The following CCDC141 variants were observed in gnomAD, a reference collection of about 807,000 sequenced individuals.
CCDC141 encodes coiled-coil domain containing 141.
Under a neutral mutation model 181.0 loss-of-function variants are expected in CCDC141, and 168 were observed. The observed-to-expected ratio is 0.93, with a 90% CI of 0.82 to 1.05. CCDC141 has a LOEUF of 1.05. Among genes scored for constraint, CCDC141 ranks in the 50% least tolerant of loss-of-function variants. CCDC141 has a pLI of 0.00. For missense variants in CCDC141, 1,902 were observed against 1,788.5 expected, an observed-to-expected ratio of 1.06 and a Z score of -1.14; for synonymous variants, 666 against 642.3, an observed-to-expected ratio of 1.04 and a Z score of -0.56.
At chr2:178,822,038 A>C in the CCDC141 span, among the ~76,000 whole-genome samples, 5 of 152,320 alleles carry the variant, frequency 3.3e-5, no homozygotes, top group South Asian at 1.0e-3. Flanking sequence ...CTGGATTAAG[A>C]AAATGTGGCA....
intron 8 of CCDC141, among the ~76,000 whole-genome samples, chr2:178,900,714 A>C (rs1687644450): frequency 6.6e-6 from 1 of 152,196 alleles, no homozygotes; most frequent in Non-Finnish European, 1.5e-5. Context: ...AAACAGGATA[A>C]AATTCAGCAG....
chr2:178,948,314 T>G (rs1006064803), intron 5 of CCDC141, among the ~76,000 whole-genome samples: 7 of 152,234 alleles, frequency 4.6e-5, no homozygotes, highest in African/African-American at 1.7e-4. Context: ...TTTTACTTTT[T>G]AATTTTTTAC....
At chr2:178,977,253 C>T (rs1425506150) in intron 3 of CCDC141, among the ~76,000 whole-genome samples, 4 of 152,108 alleles carry the variant, frequency 2.6e-5, no homozygotes, top group Non-Finnish European at 5.9e-5. Context: ...ATTTACTCAT[C>T]ATGGAGAAAA....
intron 18 of CCDC141, 138 bp downstream of exon 18, chr2:178,856,119 A>T (rs137940771): frequency 7.7e-5 from 51 of 666,432 alleles, no homozygotes; most frequent in African/African-American, 7.0e-4. Context: ...TTATAAAAAT[A>T]GAAAAATACC....
chr2:179,020,990 T>G (rs1304277782), intron 2 of CCDC141, among the ~76,000 whole-genome samples: 1 of 152,188 alleles, frequency 6.6e-6, no homozygotes, highest in Non-Finnish European at 1.5e-5. Flanking sequence ...GCGGGCTGAT[T>G]AGCATGTGAT....
At chr2:178,987,391 TCAGGA>T (rs1691805226) in intron 2 of CCDC141, among the ~76,000 whole-genome samples, 1 of 151,922 alleles carries the variant, frequency 6.6e-6, no homozygotes, top group African/African-American at 2.4e-5. Context: ...GCATTACCAT[TCAGGA>T]CATAGGCATG....
chr2:178,867,966 T>G (rs1575148676), intron 16 of CCDC141, 60 bp downstream of exon 16: 1 of 1,379,860 alleles, frequency 7.2e-7, no homozygotes, highest in East Asian at 2.3e-5. Context: ...GTTTCTTTCA[T>G]ATGCTAGCCC....
chr2:178,868,932 A>C (rs1685982676), intron 15 of CCDC141, among the ~76,000 whole-genome samples, 185 bp downstream of exon 15: 1 of 152,162 alleles, frequency 6.6e-6, no homozygotes, highest in Admixed American at 6.5e-5. Context: ...CTGAGGGACA[A>C]AGAGCTCAGT....
chr2:178,969,989 A>G (rs1690810889), intron 4 of CCDC141, among the ~76,000 whole-genome samples: 1 of 152,194 alleles, frequency 6.6e-6, no homozygotes, highest in Non-Finnish European at 1.5e-5. Context: ...TAACAGACAG[A>G]GAGCCAAATC....
intron 8 of CCDC141, among the ~76,000 whole-genome samples, chr2:178,903,294 A>T (rs1479168365): frequency 6.6e-6 from 1 of 151,790 alleles, no homozygotes; most frequent in East Asian, 1.9e-4. Context: ...GCTGCTATAA[A>T]GACACATGCA....
intron 4 of CCDC141, among the ~76,000 whole-genome samples, chr2:178,971,437 A>C (rs1690882568): frequency 6.6e-6 from 1 of 152,208 alleles, no homozygotes; most frequent in Admixed American, 6.5e-5. Flanking sequence ...ACTGGAAAGG[A>C]TGTGGAGAAA....
At chr2:178,951,571 A>G (rs1340755144) in intron 5 of CCDC141, among the ~76,000 whole-genome samples, 1 of 152,202 alleles carries the variant, frequency 6.6e-6, no homozygotes, top group Non-Finnish European at 1.5e-5. Flanking sequence ...ATTAAAATTA[A>G]TTCATCCTTT....
chr2:178,988,325 G>A (rs920452333), intron 2 of CCDC141, among the ~76,000 whole-genome samples: 3 of 118,100 alleles, frequency 2.5e-5, no homozygotes, highest in African/African-American at 9.6e-5. Flanking sequence ...GTTGTGGGGT[G>A]GGGGGAGGGG....
chr2:178,976,386 T>C (rs575608130), intron 3 of CCDC141, among the ~76,000 whole-genome samples: 3 of 152,220 alleles, frequency 2.0e-5, no homozygotes, highest in Non-Finnish European at 2.9e-5. Context: ...ATGTAACTAT[T>C]TGATTAACAC....
chr2:178,983,791 G>A (rs1482395821), intron 2 of CCDC141, among the ~76,000 whole-genome samples: 1 of 151,590 alleles, frequency 6.6e-6, no homozygotes, highest in Admixed American at 6.6e-5. Context: ...AATGAGCAAA[G>A]CCTCCAAGAA....
At chr2:178,865,084 T>C (rs1300166480) in intron 17 of CCDC141, among the ~76,000 whole-genome samples, 1 of 152,184 alleles carries the variant, frequency 6.6e-6, no homozygotes, top group Non-Finnish European at 1.5e-5. Context: ...ATTTAGTGAA[T>C]ATCTAGGTGT....
chr2:179,020,678 C>A (rs2042669260), intron 2 of CCDC141, among the ~76,000 whole-genome samples: 1 of 152,154 alleles, frequency 6.6e-6, no homozygotes, highest in South Asian at 2.1e-4. Context: ...TGAGTCCATA[C>A]CACACTGGCC....
In CCDC141 at chr2:178,850,071, G is replaced by A; in HGVS notation, c.3335C>T (p.Thr1112Ile). 1 of 1,599,150 alleles carries A rather than the reference G, an allele frequency of 6.3e-7. No homozygotes were observed. Among genetic ancestry groups the A allele is most frequent in the South Asian group, 1.1e-5 (1 of 89,490 alleles). Residue 1112 changes from threonine to isoleucine, a missense_variant, in exon 21 of 24, where the codon ACA becomes ATA. Transcript: ENST00000443758. ...TACCTTCAGTTTTTCTTCGAGCTCT[G>A]TGAGGGACTCACATAATTCAGTCAC... The part of the protein sequence containing the change: ...ESVTELCESL[T>I]ELEEKLKQGD...
intron 5 of CCDC141, among the ~76,000 whole-genome samples, chr2:178,948,766 G>T (rs1007580591): frequency 6.6e-6 from 1 of 152,098 alleles, no homozygotes; most frequent in Non-Finnish European, 1.5e-5. Context: ...GTGTTCTCTT[G>T]CCTCCTCTCT....
Sources: gnomAD v4.1 joint callset for allele counts (sites outside exome capture counted in the v4.1 genomes callset) on GRCh38, gnomAD v4.1.1 for gene constraint, MANE v1.5 for transcripts, NCBI Gene and HGNC (gene_info 2026-07-23, HGNC 2026-07-21) for gene names.